Variants in EPHA10 observed in about 807,000 individuals in gnomAD.
The protein encoded by EPHA10 is ephrin type-A receptor 10.
A neutral mutation model predicts 109.7 loss-of-function variants in EPHA10; 120 were observed. That is an observed-to-expected ratio of 1.09 (90% CI 0.94 to 1.27). The LOEUF is 1.27. Among genes scored for constraint, EPHA10 ranks in the 50% most tolerant of loss-of-function variants. EPHA10 has a pLI of 0.00. For synonymous variants in EPHA10, 640 were observed against 618.9 expected (o/e 1.03, Z -0.51); for missense variants, 1,396 against 1,411.1 (o/e 0.99, Z 0.17).
At chr1:37,735,129 A>G (rs1455718007) in intron 6 of EPHA10, 128 bp downstream of exon 6, 1 of 1,257,574 alleles carries the variant, frequency 8.0e-7, no homozygotes, top group African/African-American at 1.5e-5. Context: ...TGGGGCCCCT[A>G]GGAGACGGGT....
At chr1:37,748,992 A>G (rs1322275123) in intron 5 of EPHA10, among the ~76,000 whole-genome samples, 4 of 135,980 alleles carry the variant, frequency 2.9e-5, no homozygotes, top group Non-Finnish European at 1.5e-5. Context: ...GCACGATCTC[A>G]GCTCACTGCA....
At chr1:37,745,586 T>C (rs1226693409) in intron 5 of EPHA10, among the ~76,000 whole-genome samples, 1 of 152,164 alleles carries the variant, frequency 6.6e-6, no homozygotes, top group Non-Finnish European at 1.5e-5. Context: ...TGGTGGCTCA[T>C]ACCTGTAATC....
At chr1:37,718,927 G>A (rs1645738796) in intron 15 of EPHA10, 111 bp from the exon 16 acceptor site, 10 of 1,387,682 alleles carry the variant, frequency 7.2e-6, no homozygotes, top group East Asian at 2.5e-5. Context: ...GAGGGTAACC[G>A]GGCCCCAGGG....
intron 5 of EPHA10, among the ~76,000 whole-genome samples, chr1:37,738,944 T>G (rs1646111061): frequency 6.6e-6 from 1 of 151,958 alleles, no homozygotes; most frequent in Non-Finnish European, 1.5e-5. Flanking sequence ...AGGTGGGAGT[T>G]TTACAATGAG....
intron 6 of EPHA10, 56 bp from the exon 7 acceptor site, chr1:37,731,638 A>G (rs545698808): frequency 1.3e-6 from 2 of 1,507,484 alleles, no homozygotes. Flanking sequence ...GTTCTAGGAG[A>G]ACAAAGGGTG....
intron 10 of EPHA10, 103 bp downstream of exon 10, chr1:37,722,938 G>A: frequency 1.9e-6 from 3 of 1,553,060 alleles, no homozygotes; most frequent in South Asian, 1.1e-5. Context: ...AGACCTGGGT[G>A]GAGGTGGGCT....
At position 37,721,865 on chromosome 1, in the gene EPHA10, C is replaced by A. The variant is rs1479705909; in HGVS notation, c.1961-20G>T. On this transcript the variant is annotated intron_variant, in intron 10 of 16. Coordinates refer to ENST00000373048, the MANE Select transcript of EPHA10 (RefSeq NM_001099439.2). ...ACCGCCCTGTGGGGAAACAGCACCT[C>A]AGATACCGCCAGAGGCCACTGCCCT... The A allele has an allele frequency of 1.3e-6, 2 of 1,529,780 alleles. No homozygotes were observed. Among genetic ancestry groups the A allele is most frequent in the Admixed American group, 3.9e-5 (2 of 51,250 alleles). 94.8% of individuals were successfully genotyped at this position (1,529,780 alleles called of 1,614,324 possible).
chr1:37,740,644 G>A (rs1157242976), intron 5 of EPHA10, among the ~76,000 whole-genome samples: 1 of 152,150 alleles, frequency 6.6e-6, no homozygotes, highest in Non-Finnish European at 1.5e-5. Context: ...ATTCCAGCGT[G>A]CAGACAAGTT....
At chr1:37,726,941 G>C (rs1462634156) in intron 8 of EPHA10, among the ~76,000 whole-genome samples, 161 bp downstream of exon 8, 1 of 152,254 alleles carries the variant, frequency 6.6e-6, no homozygotes, top group Non-Finnish European at 1.5e-5. Flanking sequence ...AGTGAGCTGG[G>C]GGGAGGGGCC....
At chr1:37,748,479 A>T (rs995615852) in intron 5 of EPHA10, among the ~76,000 whole-genome samples, 1 of 152,226 alleles carries the variant, frequency 6.6e-6, no homozygotes, top group East Asian at 1.9e-4. Context: ...ACTGTCCCAG[A>T]GCAGAGAAAA....
Position 37,721,677 on chromosome 1 carries a change from T to C in EPHA10, c.2129A>G (p.Glu710Gly). Residue 710 changes from glutamate (E) to glycine (G), a missense_variant, in exon 11 of 17, where the codon GAG (glutamate) becomes GGG (glycine). By Grantham distance (98) the Glu-to-Gly change is moderately conservative. Transcript: ENST00000373048. ...GGCCCTACCTCGGGTAACAACGCCC[T>C]CCAGCCGCACGATGTGGCTATGGTC... ...QFDHSHIVRL[E>G]GVVTRGSTLM... 6.2e-7 allele frequency: 1 copy of C among 1,607,114 alleles called. No individual in the cohort carries two copies. Among genetic ancestry groups the C allele is most frequent in the Non-Finnish European group, 8.5e-7 (1 of 1,176,786 alleles).
Position 37,721,726 on chromosome 1 carries a change from C to G in EPHA10, c.2080G>C (p.Glu694Gln). 1.2e-6 allele frequency: 2 copies of G among 1,612,416 alleles called. No individual in the cohort carries two copies. Among genetic ancestry groups the G allele is most frequent in the Non-Finnish European group, 8.5e-7 (1 of 1,179,830 alleles). ...SDSQRLGFLA[E>Q]ALTLGQFDHS... ...TCAAACTGGCCCAGCGTGAGGGCCT[C>G]GGCCAGGAAGCCGAGCCTCTGTGAG... Residue 694 changes from glutamate to glutamine, a missense_variant, in exon 11 of 17, where the codon GAG becomes CAG. Transcript: ENST00000373048.
chr1:37,757,167 T>C lies in EPHA10; in HGVS notation c.851-2797A>G, dbSNP rs76695653. On this transcript the variant is annotated intron_variant, in intron 3 of 16. Coordinates refer to ENST00000373048, the MANE Select transcript of EPHA10 (RefSeq NM_001099439.2). ...AGCTACTTGTTATATGCCCTGATTT[T>C]TTCCCCCAAAGGAAACCCCAGCTCT... 9.8e-3 allele frequency among the ~76,000 whole-genome samples: 1,487 copies of C among 152,286 alleles called. 19 individuals are homozygous for C. Among genetic ancestry groups the C allele is most frequent in the African/African-American group, 0.033 (1,391 of 41,550 alleles).
At chr1:37,732,244 T>A (rs548706440) in intron 6 of EPHA10, among the ~76,000 whole-genome samples, 17 of 152,092 alleles carry the variant, frequency 1.1e-4, no homozygotes, top group African/African-American at 3.9e-4. Context: ...AGCATTTCCA[T>A]CTCCTTTTTA....
chr1:37,748,251 T>C (rs1173064651), intron 5 of EPHA10, among the ~76,000 whole-genome samples: 2 of 151,998 alleles, frequency 1.3e-5, no homozygotes, highest in Admixed American at 6.6e-5. Context: ...CCCAGTTACT[T>C]GGGAGGCTGA....
intron 8 of EPHA10, among the ~76,000 whole-genome samples, chr1:37,726,863 G>A (rs1645899839): frequency 6.6e-6 from 1 of 152,212 alleles, no homozygotes; most frequent in African/African-American, 2.4e-5. Context: ...CATTTAATGA[G>A]TTAAGGCGCT....
At position 37,764,128 on chromosome 1, in the gene EPHA10, C is replaced by T. The variant is rs1222806207; in HGVS notation, c.106+833G>A. Among the ~76,000 whole-genome samples the T allele has an allele frequency of 6.6e-6, 1 of 152,178 alleles. No individual in the cohort carries two copies. Among genetic ancestry groups the T allele is most frequent in the African/African-American group, 2.4e-5 (1 of 41,454 alleles). On this transcript the variant is annotated intron_variant, in intron 1 of 16. Transcript: ENST00000373048. This position sits in a 1 kb window ranked among gnomAD's most constrained non-coding sequence, Gnocchi z 5.8. ...GGGAGATTACCCTCTGGAGCTTAAACCAGGGGGTGGGCCACCAAGGTGAGG... is the reference window on the plus strand; with the variant it reads ...GGGAGATTACCCTCTGGAGCTTAAATCAGGGGGTGGGCCACCAAGGTGAGG...
At chr1:37,745,331 A>C (rs1270069159) in intron 5 of EPHA10, among the ~76,000 whole-genome samples, 2 of 152,348 alleles carry the variant, frequency 1.3e-5, no homozygotes, top group East Asian at 3.9e-4. Flanking sequence ...CCACAATGAG[A>C]TATTACCTCA....
At chr1:37,738,946 T>C (rs1646111186) in intron 5 of EPHA10, among the ~76,000 whole-genome samples, 1 of 152,100 alleles carries the variant, frequency 6.6e-6, no homozygotes, top group Non-Finnish European at 1.5e-5. Flanking sequence ...GTGGGAGTTT[T>C]ACAATGAGAT....
Sources: gnomAD v4.1 joint callset for allele counts (sites outside exome capture counted in the v4.1 genomes callset) on GRCh38, gnomAD v4.1.1 for gene constraint, Gnocchi (gnomAD v3.1) non-coding constraint, MANE v1.5 for transcripts, NCBI Gene and HGNC (gene_info 2026-07-23, HGNC 2026-07-21) for gene names.